Variants in PRKAG3 observed in about 807,000 individuals in gnomAD.
PRKAG3 encodes the protein protein kinase AMP-activated non-catalytic subunit gamma 3.
A neutral mutation model predicts 56.5 loss-of-function variants in PRKAG3; 39 were observed. That is an observed-to-expected ratio of 0.69 (90% CI 0.53 to 0.90). The LOEUF (loss-of-function observed/expected upper bound fraction) is 0.90, where lower values mean the gene tolerates loss of function less well. Among genes scored for constraint, PRKAG3 ranks in the 40% least tolerant of loss-of-function variants. The probability of loss-of-function intolerance (pLI) is 0.00; values close to 1 mark genes in which losing one functional copy is unlikely to be tolerated. For synonymous variants in PRKAG3, 243 were observed against 250.1 expected, an observed-to-expected ratio of 0.97 and a Z score of 0.27; for missense variants, 628 against 627.5, an observed-to-expected ratio of 1.00 and a Z score of -0.01.
In PRKAG3 at chr2:218,827,406, G is replaced by T; in HGVS notation, c.876-33C>A. 6.2e-7 allele frequency: 1 copy of T among 1,613,900 alleles called. No individual in the cohort carries two copies. The highest frequency in any genetic ancestry group is 1.1e-5 in the South Asian group (1 of 91,030). ...GATGGGAGCAGTGAGCCTCGGGGCA[G>T]CCTAGGGAGAGACAACCTCCATCCC... On this transcript the variant is annotated intron_variant, in intron 8 of 12. Transcript: ENST00000529249. The surrounding 1 kb of genome is among the most constrained non-coding windows in gnomAD (Gnocchi z 5.3).
exon 10 of PRKAG3, chr2:218,826,979 C>A (rs1943941899): frequency 6.2e-7 from 1 of 1,614,186 alleles, no homozygotes; most frequent in African/African-American, 1.3e-5. Flanking sequence ...ACAAAGATGT[C>A]CAGTGCAGTC....
In PRKAG3 at chr2:218,827,255, G is replaced by A. The variant is rs758702970; in HGVS notation, c.994C>T (p.His332Tyr). Residue 332 changes from histidine to tyrosine, a missense_variant, in exon 9 of 13, where the codon CAC (histidine) becomes TAC (tyrosine). Physicochemically the swap from His to Tyr is moderately conservative, Grantham distance 83. Transcript: ENST00000529249. The surrounding 1 kb of genome is among the most constrained non-coding windows in gnomAD (Gnocchi z 5.3). ...CCTGGGCCCAGGCTTACAAAGATGT[G>A]CAGGAACTTGAGCAGGCGTTTGTGT... The A allele has an allele frequency of 3.7e-6, 6 of 1,614,194 alleles. No individual in the cohort carries two copies. In the East Asian group the frequency reaches 1.3e-4, roughly 36 times the overall value.
exon 13 of PRKAG3, chr2:218,823,646 C>A: frequency 6.3e-7 from 1 of 1,592,608 alleles, no homozygotes; most frequent in Non-Finnish European, 8.5e-7. Flanking sequence ...CAGAGCCTAC[C>A]TGAATCATAG....
chr2:218,823,874 T>C (rs1943889325), exon 13 of PRKAG3: 1 of 1,613,868 alleles, frequency 6.2e-7, no homozygotes, highest in Admixed American at 1.7e-5. Context: ...CACCAGCCTG[T>C]GTACCTGTGG....
chr2:218,830,632 G>A, intron 3 of PRKAG3, 114 bp downstream of exon 3: 2 of 1,344,614 alleles, frequency 1.5e-6, no homozygotes, highest in South Asian at 1.4e-5. Flanking sequence ...ACAAGATGAA[G>A]GTTGGGTCCA....
intron 4 of PRKAG3, 66 bp from the exon 5 acceptor site, chr2:218,828,666 C>T (rs1943973865): frequency 3.6e-6 from 5 of 1,373,804 alleles, no homozygotes; most frequent in Non-Finnish European, 5.0e-6. Flanking sequence ...CTCTGCCCCT[C>T]AGTGCGCACC....
In PRKAG3 at chr2:218,823,890, C is replaced by A; in HGVS notation, c.1354-12G>T. The A allele has an allele frequency of 6.2e-7, 1 of 1,612,642 alleles. No homozygotes were observed. The highest frequency in any genetic ancestry group is 8.5e-7 in the Non-Finnish European group (1 of 1,178,920). ...ACCAGCCTGTGTACCTGTGGGTCCG[C>A]AATGTTCAGTGAGGGGGCAGAGCCA... On this transcript the variant is annotated splice_polypyrimidine_tract_variant and intron_variant, in intron 12 of 12. Coordinates refer to ENST00000529249, the Ensembl canonical transcript of PRKAG3.
intron 2 of PRKAG3, 42 bp downstream of exon 2, chr2:218,831,293 TG>T: frequency 6.8e-7 from 1 of 1,479,330 alleles, no homozygotes; most frequent in Non-Finnish European, 9.2e-7. Context: ...GACAAGGAGG[TG>T]GGGGAAGAGG....
intron 10 of PRKAG3, chr2:218,826,661 A>G (rs1559397358): frequency 2.1e-6 from 1 of 475,480 alleles, no homozygotes; most frequent in Non-Finnish European, 3.9e-6. Context: ...CGCTATGCCC[A>G]TTTTCATGCA....
intron 4 of PRKAG3, 32 bp from the exon 5 acceptor site, chr2:218,828,632 G>A: frequency 6.3e-7 from 1 of 1,587,126 alleles, no homozygotes; most frequent in Non-Finnish European, 8.6e-7. Flanking sequence ...TCAAGGGTGG[G>A]TCCCGAGAGA....
rs764924496 is a variant in PRKAG3, at chr2:218,824,979, G to C, written c.1169-403C>G. On this transcript the variant is annotated intron_variant, in intron 10 of 12. Transcript: ENST00000529249. ...TCACCCACGTCATAACAATTTAGGG[G>C]GAATGGAGCTGTTATAGATTTAAAG... 6.6e-4 allele frequency among the ~76,000 whole-genome samples: 101 copies of C among 152,230 alleles called. 1 individual carries two copies. Among genetic ancestry groups the C allele is most frequent in the Non-Finnish European group, 1.3e-3 (89 of 68,014 alleles).
intron 5 of PRKAG3, 88 bp from the exon 6 acceptor site, chr2:218,828,150 G>T: frequency 8.0e-7 from 1 of 1,250,150 alleles, no homozygotes; most frequent in Non-Finnish European, 1.1e-6. Context: ...CCCTGCCAGT[G>T]TCCTTGTGCT....
chr2:218,828,496 T>G (rs1327949320), intron 5 of PRKAG3, 23 bp downstream of exon 5: 1 of 1,602,826 alleles, frequency 6.2e-7, no homozygotes, highest in African/African-American at 1.3e-5. Flanking sequence ...CCATCTCCCT[T>G]CACCTCCCCA....
At position 218,827,288 on chromosome 2, in the gene PRKAG3, T is replaced by G. The variant is rs771895241; in HGVS notation, c.961A>C (p.Ile321Leu). The G allele has an allele frequency of 6.2e-7, 1 of 1,614,164 alleles. No homozygotes were observed. Among genetic ancestry groups the G allele is most frequent in the East Asian group, 2.2e-5 (1 of 44,876 alleles). The change falls in exon 9 of 13, where the codon ATC (isoleucine) becomes CTC (leucine). Residue 321 changes from isoleucine (I) to leucine (L), a missense_variant. Physicochemically the swap from Ile to Leu is conservative, Grantham distance 5. Coordinates refer to ENST00000529249, the Ensembl canonical transcript of PRKAG3. The surrounding 1 kb of genome is among the most constrained non-coding windows in gnomAD (Gnocchi z 5.3). ...TTGAGCAGGCGTTTGTGTGTGAGGA[T>G]GTGGAGTACGTTGCCTGACACCGGG...
chr2:218,824,557 A>G (rs1180443292), exon 11 of PRKAG3: 1 of 1,612,838 alleles, frequency 6.2e-7, no homozygotes. Flanking sequence ...CAAAGCGGGA[A>G]TAGAGGCCCA....
At chr2:218,829,875 C>A in intron 4 of PRKAG3, 103 bp downstream of exon 4, 1 of 1,459,368 alleles carries the variant, frequency 6.9e-7, no homozygotes, top group Non-Finnish European at 9.4e-7. Flanking sequence ...AGGGGGCTTG[C>A]AGGGGCACCT....
chr2:218,826,827 C>A, intron 10 of PRKAG3, 101 bp downstream of exon 10: 2 of 1,486,218 alleles, frequency 1.3e-6, no homozygotes, highest in East Asian at 2.3e-5. Context: ...CCTGTACCCC[C>A]CACAGGGATG....
In PRKAG3 at chr2:218,827,956, C is replaced by A; in HGVS notation, c.774+48G>T. ...ACCAGGCTCCAGGAGGACTCCCCTCCGCCCCCGCCCCTCTGGGTGCCCATA... is the reference window on the plus strand; with the variant it reads ...ACCAGGCTCCAGGAGGACTCCCCTCAGCCCCCGCCCCTCTGGGTGCCCATA... On this transcript the variant is annotated intron_variant, in intron 6 of 12. Transcript: ENST00000529249. This position sits in a 1 kb window ranked among gnomAD's most constrained non-coding sequence, Gnocchi z 5.3. 6.3e-7 allele frequency: 1 copy of A among 1,598,032 alleles called. No homozygotes were observed. The highest frequency in any genetic ancestry group is 1.1e-5 in the South Asian group (1 of 89,282).
chr2:218,831,658 CCA>C (rs1276913217), intron 1 of PRKAG3, 78 bp downstream of exon 1: 48 of 1,526,114 alleles, frequency 3.1e-5, no homozygotes, highest in Non-Finnish European at 4.3e-5. Flanking sequence ...ACACACACGC[CCA>C]CACACACATT....
Sources: allele counts gnomAD v4.1 joint callset (sites outside exome capture counted in the v4.1 genomes callset), GRCh38; gene constraint gnomAD v4.1.1; non-coding constraint Gnocchi (gnomAD v3.1); transcripts MANE v1.5; gene names NCBI Gene and HGNC (gene_info 2026-07-23, HGNC 2026-07-21).